The following FAM83F variants were observed in gnomAD, a reference collection of about 807,000 sequenced individuals.
FAM83F encodes scaffolding CK1 anchoring protein F, also known as protein FAM83F.
FAM83F carries 45 observed loss-of-function variants against 42.9 expected under a neutral mutation model. The ratio of observed to expected loss-of-function variants is 1.05; its 90% CI spans 0.83 to 1.35. The LOEUF (loss-of-function observed/expected upper bound fraction) is 1.35, where lower values mean the gene tolerates loss of function less well. FAM83F is among the 40% of genes most tolerant of loss of function. The probability of loss-of-function intolerance (pLI) is 0.00; values close to 1 mark genes in which losing one functional copy is unlikely to be tolerated. For missense variants in FAM83F, 617 were observed against 695.9 expected (o/e 0.89, Z 1.28); for synonymous variants, 306 against 298.3 (o/e 1.03, Z -0.27).
At chr22:40,014,136 T>C (rs942930248) in intron 1 of FAM83F, among the ~76,000 whole-genome samples, 2 of 147,172 alleles carry the variant, frequency 1.4e-5, no homozygotes, top group African/African-American at 5.0e-5. Context: ...CTTTTCTTTT[T>C]TTTTTTTTTT....
chr22:40,003,446 T>G (rs145611540), intron 1 of FAM83F, among the ~76,000 whole-genome samples: 1 of 152,054 alleles, frequency 6.6e-6, no homozygotes, highest in Non-Finnish European at 1.5e-5. Flanking sequence ...CAGAGCCTAT[T>G]TGGGGACAAG....
rs934205345 is a variant in FAM83F, at chr22:40,039,645, C to T, written c.*10080C>T. ...AGCTGAGCTTGCTGAGTCCTGCGAG[C>T]GTCGCACGCCCCCAGAGACAACATA... On this transcript the variant is annotated 3_prime_UTR_variant, in exon 5 of 5. Coordinates refer to ENST00000333407, the MANE Select transcript of FAM83F (RefSeq NM_138435.4). 5 of 152,162 alleles carry T rather than the reference C, an allele frequency of 3.3e-5. No homozygotes were observed. Among genetic ancestry groups the T allele is most frequent in the African/African-American group, 9.7e-5 (4 of 41,418 alleles). The allele number at this position is 152,162 out of a possible 1,614,324, so 9.4% of individuals were successfully genotyped here.
Position 40,036,160 on chromosome 22 carries a change from A to G in FAM83F, c.*6595A>G. On this transcript the variant is annotated 3_prime_UTR_variant, in exon 5 of 5. Coordinates refer to ENST00000333407, the MANE Select transcript of FAM83F (RefSeq NM_138435.4). The stretch of plus-strand genomic sequence containing the variant: ...ATCCTCAGCTTCCCAAGTAGCTAGT[A>G]GTAGTAGTGGCTTGCACCAACGCTC... The G allele has an allele frequency of 6.6e-6, 1 of 152,104 alleles. No individual in the cohort carries two copies. Among genetic ancestry groups the G allele is most frequent in the South Asian group, 2.1e-4 (1 of 4,830 alleles). The allele number at this position is 152,104 out of a possible 1,614,324, so 9.4% of individuals were successfully genotyped here.
intron 4 of FAM83F, among the ~76,000 whole-genome samples, chr22:40,029,080 CGTGTGTGTGTGTGT>C (rs55770640): frequency 0.017 from 2,196 of 130,604 alleles, 49 homozygotes; most frequent in East Asian, 0.073. Flanking sequence ...CTTGGCTAGA[CGTGTGTGTGTGTGT>C]GTGTGTGTGT....
chr22:40,027,503 G>A (rs1463661855), intron 4 of FAM83F, among the ~76,000 whole-genome samples: 1 of 152,160 alleles, frequency 6.6e-6, no homozygotes, highest in African/African-American at 2.4e-5. Flanking sequence ...CACCTCTGAA[G>A]CTCCCAGGCC....
chr22:40,021,194 G>T lies in FAM83F; in HGVS notation c.780-96G>T. 7.3e-7 allele frequency: 1 copy of T among 1,361,764 alleles called. No individual in the cohort carries two copies. The highest frequency in any genetic ancestry group is 1.7e-5 in the South Asian group (1 of 57,514). The allele number at this position is 1,361,764 out of a possible 1,614,324, so 84.4% of individuals were successfully genotyped here. On this transcript the variant is annotated intron_variant, in intron 3 of 4. Coordinates refer to ENST00000333407, the MANE Select transcript of FAM83F (RefSeq NM_138435.4). The surrounding 1 kb of genome is among the most constrained non-coding windows in gnomAD (Gnocchi z 8.7). ...ACAAGGAGCCGTACACCTGCAGCAA[G>T]GGTCTGGCCACAGCGGAGGGGCAGG... is the stretch of plus-strand genomic sequence containing the variant.
At position 40,021,720 on chromosome 22, in the gene FAM83F, G is replaced by A; in HGVS notation, c.1210G>A (p.Val404Ile). ...GCTGAGCCAGAAGGATGGCAGGATG[G>A]TCTCTCACATGCACAGAGACCTGAA... The part of the protein sequence containing the change: ...GELSQKDGRM[V>I]SHMHRDLKPK... Residue 404 changes from valine (V) to isoleucine (I), a missense_variant, in exon 4 of 5, where the codon GTC (valine) becomes ATC (isoleucine). Coordinates refer to ENST00000333407, the MANE Select transcript of FAM83F (RefSeq NM_138435.4). This position sits in a 1 kb window ranked among gnomAD's most constrained non-coding sequence, Gnocchi z 8.7. 6.2e-7 allele frequency: 1 copy of A among 1,613,092 alleles called. No homozygotes were observed. The highest frequency in any genetic ancestry group is 8.5e-7 in the Non-Finnish European group (1 of 1,179,882).
chr22:40,015,530 G>A (rs549216194), intron 1 of FAM83F, among the ~76,000 whole-genome samples: 46 of 152,232 alleles, frequency 3.0e-4, no homozygotes, highest in Admixed American at 1.3e-3. Context: ...ACACCTGTAC[G>A]TAGGTTAGAA....
chr22:40,007,984 G>A (rs117571052), intron 1 of FAM83F, among the ~76,000 whole-genome samples: 3,187 of 152,296 alleles, frequency 0.021, 59 homozygotes, highest in South Asian at 0.039. Context: ...CCCGCAGCCT[G>A]CCTTGAGATA....
Position 39,995,126 on chromosome 22 carries a change from C to T in FAM83F, c.84C>T (p.Cys28=), listed in dbSNP as rs982213513. 1.3e-5 allele frequency: 18 copies of T among 1,373,412 alleles called. No individual in the cohort carries two copies. The highest frequency in any genetic ancestry group is 1.7e-5 in the South Asian group (1 of 57,150). 85.1% of individuals were successfully genotyped at this position (1,373,412 alleles called of 1,614,324 possible). A position where few individuals can be genotyped will look rare whatever the true frequency, so the allele number is the denominator to read the frequency against. ...AGGCGCAGGCCGCCTTCTACTACTG[C>T]GAGCGGCGGCGGGCCGCGCTGGAGG... ...VTEAQAAFYY[C]ERRRAALEAL... The change falls in exon 1 of 5, where the codon TGC becomes TGT. Residue 28 remains cysteine (C), a synonymous_variant. Transcript: ENST00000333407. The surrounding 1 kb of genome is among the most constrained non-coding windows in gnomAD (Gnocchi z 4.6).
rs1366744630 is a variant in FAM83F at position 39,995,489 on chromosome 22, C to T, written c.447C>T (p.His149=). The T allele has an allele frequency of 1.9e-6, 3 of 1,579,042 alleles. No individual in the cohort carries two copies. Among genetic ancestry groups the T allele is most frequent in the East Asian group, 4.7e-5 (2 of 42,832 alleles). ...THPPKDEKAP[H]LKQVVRQMIQ... is the part of the protein sequence containing the mutation. ...CGCCCAAGGACGAGAAGGCGCCGCA[C>T]CTCAAGCAGGTGGTCAGGCAGATGA... Residue 149 remains histidine, a synonymous_variant, in exon 1 of 5, where the codon CAC becomes CAT. Coordinates refer to ENST00000333407, the MANE Select transcript of FAM83F (RefSeq NM_138435.4). The surrounding 1 kb of genome is among the most constrained non-coding windows in gnomAD (Gnocchi z 4.6).
intron 4 of FAM83F, among the ~76,000 whole-genome samples, chr22:40,024,879 C>T (rs1480684652): frequency 6.6e-6 from 1 of 152,142 alleles, no homozygotes; most frequent in African/African-American, 2.4e-5. Context: ...CTTGGGAGAA[C>T]CTTAGGGAAG....
chr22:40,022,590 G>A (rs1022739769), intron 4 of FAM83F, among the ~76,000 whole-genome samples: 3 of 152,090 alleles, frequency 2.0e-5, no homozygotes, highest in Non-Finnish European at 4.4e-5. Flanking sequence ...CTTGTCCCTG[G>A]GTGGGATTGT....
chr22:40,029,058 A>G lies in FAM83F; in HGVS notation c.1454-458A>G, dbSNP rs144617507. On this transcript the variant is annotated intron_variant, in intron 4 of 4. Transcript: ENST00000333407. ...GGTGGAGCTGCATGTACTAGCTGGT[A>G]GTGAGCGGCCTCTTGGCTAGACGTG... Among the ~76,000 whole-genome samples, 1,009 of 147,364 alleles carry G rather than the reference A, an allele frequency of 6.8e-3. 5 individuals carry two copies. Among genetic ancestry groups the G allele is most frequent in the Non-Finnish European group, 9.0e-3 (602 of 67,224 alleles).
Position 40,040,201 on chromosome 22 carries a change from T to A in FAM83F, c.*10636T>A, listed in dbSNP as rs1221892960. 1 of 152,164 alleles carries A rather than the reference T, an allele frequency of 6.6e-6. No homozygotes were observed. Among genetic ancestry groups the A allele is most frequent in the Non-Finnish European group, 1.5e-5 (1 of 68,044 alleles). 9.4% of individuals were successfully genotyped at this position (152,164 alleles called of 1,614,324 possible). A position where few individuals can be genotyped will look rare whatever the true frequency, so the allele number is the denominator to read the frequency against. ...ACAACTGTTCATTGAGGGCTGGTCA[T>A]CTCCCCAGCTGCACTGTGGGGTTCC... On this transcript the variant is annotated 3_prime_UTR_variant, in exon 5 of 5. Transcript: ENST00000333407.
intron 1 of FAM83F, among the ~76,000 whole-genome samples, chr22:40,017,955 T>G (rs923731211): frequency 6.6e-6 from 1 of 152,218 alleles, no homozygotes; most frequent in Non-Finnish European, 1.5e-5. Flanking sequence ...GGACTTTTCC[T>G]CAGCATCACA....
intron 1 of FAM83F, among the ~76,000 whole-genome samples, chr22:40,000,567 C>T (rs1318605115): frequency 6.6e-6 from 1 of 152,160 alleles, no homozygotes; most frequent in South Asian, 2.1e-4. Flanking sequence ...CCATACCAGG[C>T]ACTTTGCTGG....
At chr22:40,026,967 C>G (rs1346503632) in intron 4 of FAM83F, among the ~76,000 whole-genome samples, 1 of 152,166 alleles carries the variant, frequency 6.6e-6, no homozygotes, top group Non-Finnish European at 1.5e-5. Flanking sequence ...CTAAGTAGCT[C>G]GCCGTTGCTG....
intron 4 of FAM83F, among the ~76,000 whole-genome samples, chr22:40,026,460 C>A (rs1351651762): frequency 6.6e-6 from 1 of 152,086 alleles, no homozygotes; most frequent in African/African-American, 2.4e-5. Flanking sequence ...GTGGAGGTTG[C>A]AGTGAGTGGA....
Sources: allele counts gnomAD v4.1 joint callset (sites outside exome capture counted in the v4.1 genomes callset), GRCh38; gene constraint gnomAD v4.1.1; non-coding constraint Gnocchi (gnomAD v3.1); transcripts MANE v1.5; gene names NCBI Gene and HGNC (gene_info 2026-07-23, HGNC 2026-07-21).